RIPK4: variants seen among roughly 807,000 people sequenced by gnomAD.
RIPK4 encodes receptor interacting serine/threonine kinase 4.
In RIPK4, 17 loss-of-function variants were observed where a neutral mutation model predicts 42.9. The observed-to-expected ratio is 0.40, with a 90% CI of 0.27 to 0.59. The LOEUF is 0.59. RIPK4 is among the 20% of genes least tolerant of loss of function. The pLI is 0.47. For missense variants in RIPK4, 897 were observed against 1,104.4 expected (o/e 0.81, Z 2.66); for synonymous variants, 498 against 499.1 (o/e 1.00, Z 0.03).
Position 41,746,645 on chromosome 21 carries a change from T to C in RIPK4, c.800A>G (p.Gln267Arg). The change falls in exon 5 of 8, where the codon CAG becomes CGG. Residue 267 changes from glutamine to arginine, a missense_variant. Physicochemically the swap from Gln to Arg is conservative, Grantham distance 43. Coordinates refer to ENST00000332512, the MANE Select transcript of RIPK4 (RefSeq NM_020639.3). ...HLIRLMQRCW[Q>R]GDPRVRPTFQ... ...GGTGGGCCTAACTCGCGGATCCCCC[T>C]GCCAGCACCGCTGCATGAGGCGTAT... 1.2e-6 allele frequency: 2 copies of C among 1,610,752 alleles called. No individual in the cohort carries two copies. The highest frequency in any genetic ancestry group is 1.7e-6 in the Non-Finnish European group (2 of 1,179,796).
chr21:41,760,760 G>A (rs916206911), intron 1 of RIPK4, among the ~76,000 whole-genome samples: 1 of 152,162 alleles, frequency 6.6e-6, no homozygotes, highest in African/African-American at 2.4e-5. Flanking sequence ...GCAGCTGGGG[G>A]GTGTGGGGGG....
chr21:41,748,223 A>T (rs896877628), intron 4 of RIPK4, among the ~76,000 whole-genome samples: 1 of 152,216 alleles, frequency 6.6e-6, no homozygotes, highest in Non-Finnish European at 1.5e-5. Flanking sequence ...TGATCTTGCG[A>T]TGCTGGAAGA....
At chr21:41,746,890 G>A (rs751198551) in intron 4 of RIPK4, 119 bp from the exon 5 acceptor site, 2 of 1,144,602 alleles carry the variant, frequency 1.7e-6, no homozygotes, top group Admixed American at 2.4e-5. Flanking sequence ...CACCACCCCA[G>A]GGAGACGGCT....
chr21:41,755,070 A>G lies in RIPK4; in HGVS notation c.474+1455T>C, dbSNP rs2061199272. ...AGCTTACTAGTCATTAGGGCCCCAG[A>G]GCCTGTGCTACCTAGAAACAAGCCC... On this transcript the variant is annotated intron_variant, in intron 2 of 7. Coordinates refer to ENST00000332512, the MANE Select transcript of RIPK4 (RefSeq NM_020639.3). The surrounding 1 kb of genome is among the most constrained non-coding windows in gnomAD (Gnocchi z 4.2). Among the ~76,000 whole-genome samples, 1 of 151,984 alleles carries G rather than the reference A, an allele frequency of 6.6e-6. No homozygotes were observed. Among genetic ancestry groups the G allele is most frequent in the Non-Finnish European group, 1.5e-5 (1 of 67,988 alleles).
chr21:41,740,978 G>C lies in RIPK4; in HGVS notation c.2215C>G (p.Leu739Val), dbSNP rs766718804. The C allele has an allele frequency of 1.5e-5, 24 of 1,611,206 alleles. No individual in the cohort carries two copies. The highest frequency in any genetic ancestry group is 1.9e-5 in the Non-Finnish European group (22 of 1,179,702). The change falls in exon 8 of 8, where the codon CTG (leucine) becomes GTG (valine). Residue 739 changes from leucine to valine, a missense_variant. Coordinates refer to ENST00000332512, the MANE Select transcript of RIPK4 (RefSeq NM_020639.3). Reference sequence around the variant, plus strand: ...TGCCGGCCCTGGGCGGCCAGGTGCAGCGCGCTGAGCCCCTGCTCGTCGAAC... The same window carrying C: ...TGCCGGCCCTGGGCGGCCAGGTGCACCGCGCTGAGCCCCTGCTCGTCGAAC... ...DLFDEQGLSA[L>V]HLAAQGRHAQ...
At chr21:41,757,258 T>C (rs2061206432) in intron 1 of RIPK4, among the ~76,000 whole-genome samples, 1 of 152,058 alleles carries the variant, frequency 6.6e-6, no homozygotes, top group African/African-American at 2.4e-5. Context: ...CGGTGGCTCA[T>C]GCCTGTAATC....
rs1024108640 is a variant in RIPK4 at position 41,755,740 on chromosome 21, C to T, written c.474+785G>A. The stretch of plus-strand genomic sequence containing the variant: ...TCCCAAGAGCATGTGAACATCACCA[C>T]GTGGGGAAAAACTACAACGCGCCAG... On this transcript the variant is annotated intron_variant, in intron 2 of 7. Coordinates refer to ENST00000332512, the MANE Select transcript of RIPK4 (RefSeq NM_020639.3). This position sits in a 1 kb window ranked among gnomAD's most constrained non-coding sequence, Gnocchi z 4.2. Among the ~76,000 whole-genome samples, 1 of 152,172 alleles carries T rather than the reference C, an allele frequency of 6.6e-6. No individual in the cohort carries two copies. Among genetic ancestry groups the T allele is most frequent in the South Asian group, 2.1e-4 (1 of 4,826 alleles).
chr21:41,763,831 C>T (rs974619625), intron 1 of RIPK4, among the ~76,000 whole-genome samples: 2 of 152,218 alleles, frequency 1.3e-5, no homozygotes, highest in African/African-American at 4.8e-5. Context: ...TCCCAGCCGG[C>T]GCCCCGCAGG....
chr21:41,766,810 G>A (rs2061238619), intron 1 of RIPK4, 50 bp downstream of exon 1: 3 of 1,560,772 alleles, frequency 1.9e-6, no homozygotes, highest in Non-Finnish European at 8.7e-7. Flanking sequence ...CCCCGACCCC[G>A]ACCCCAGCCC....
chr21:41,761,278 C>A (rs919592291), intron 1 of RIPK4, among the ~76,000 whole-genome samples: 1 of 152,262 alleles, frequency 6.6e-6, no homozygotes, highest in East Asian at 1.9e-4. Flanking sequence ...CCTCTGGGAA[C>A]ACCGGTTGGC....
intron 6 of RIPK4, among the ~76,000 whole-genome samples, chr21:41,745,502 A>G (rs1024254278): frequency 2.6e-5 from 4 of 152,116 alleles, no homozygotes; most frequent in Non-Finnish European, 4.4e-5. Flanking sequence ...CACACATCCA[A>G]TGAGTGGCTA....
rs2061189944 is a variant in RIPK4 at position 41,751,972 on chromosome 21, G to A, written c.475-727C>T. Among the ~76,000 whole-genome samples the A allele has an allele frequency of 6.6e-6, 1 of 152,088 alleles. No individual in the cohort carries two copies. Among genetic ancestry groups the A allele is most frequent in the Non-Finnish European group, 1.5e-5 (1 of 68,010 alleles). ...AATGCCCTCAACGTCCGCATTCAGG[G>A]GAGGCAGGTCTCAGGTCTCCTTCGG... On this transcript the variant is annotated intron_variant, in intron 2 of 7. Coordinates refer to ENST00000332512, the MANE Select transcript of RIPK4 (RefSeq NM_020639.3). This position sits in a 1 kb window ranked among gnomAD's most constrained non-coding sequence, Gnocchi z 4.5.
chr21:41,746,277 C>T, intron 5 of RIPK4: 1 of 579,562 alleles, frequency 1.7e-6, no homozygotes, highest in South Asian at 1.9e-5. Context: ...AAGGGCGACG[C>T]CGCCGGCCAC....
Position 41,741,029 on chromosome 21 carries a change from ACTC to A in RIPK4, c.2161_2163del (p.Glu721del). On this transcript the variant is annotated inframe_deletion, in exon 8 of 8. Coordinates refer to ENST00000332512, the MANE Select transcript of RIPK4 (RefSeq NM_020639.3). ...AGGTCAATGACATCGGCGCTGACCAACTCCTCCACCACCTCCGAGTGCCCGTGG... is the reference window on the plus strand; with the variant it reads ...AGGTCAATGACATCGGCGCTGACCAACTCCACCACCTCCGAGTGCCCGTGG... The A allele has an allele frequency of 6.2e-7, 1 of 1,608,728 alleles. No homozygotes were observed. Among genetic ancestry groups the A allele is most frequent in the Non-Finnish European group, 8.5e-7 (1 of 1,179,070 alleles).
At chr21:41,748,346 CA>C (rs1424173801) in intron 4 of RIPK4, among the ~76,000 whole-genome samples, 1 of 152,200 alleles carries the variant, frequency 6.6e-6, no homozygotes, top group African/African-American at 2.4e-5. Context: ...GGTCACACCA[CA>C]AAATATCATG....
rs1435855906 is a variant in RIPK4 at position 41,740,196 on chromosome 21, A to G, written c.*642T>C. The stretch of plus-strand genomic sequence containing the variant: ...ACTGGAATGGTTAAGAGCTGGCCAC[A>G]CATACGCCCCGCAAAGCTGGCTGCT... On this transcript the variant is annotated 3_prime_UTR_variant, in exon 8 of 8. Transcript: ENST00000332512. The G allele has an allele frequency of 6.6e-6, 1 of 152,264 alleles. No homozygotes were observed. The highest frequency in any genetic ancestry group is 1.5e-5 in the Non-Finnish European group (1 of 68,072). The allele number at this position is 152,264 out of a possible 1,614,324, so 9.4% of individuals were successfully genotyped here. A position where few individuals can be genotyped will look rare whatever the true frequency, so the allele number is the denominator to read the frequency against.
intron 6 of RIPK4, among the ~76,000 whole-genome samples, chr21:41,744,759 C>A (rs540391342): frequency 6.6e-6 from 1 of 152,136 alleles, no homozygotes; most frequent in Non-Finnish European, 1.5e-5. Flanking sequence ...GACCTCCCCG[C>A]GGAGCCACGT....
At chr21:41,763,933 A>G (rs3787958) in intron 1 of RIPK4, among the ~76,000 whole-genome samples, 37,071 of 152,002 alleles carry the variant, frequency 0.24, 4,874 homozygotes, top group African/African-American at 0.3. Context: ...AACTGGTCAC[A>G]GCACCCATCC....
At position 41,745,881 on chromosome 21, in the gene RIPK4, GA is replaced by G. The variant is rs762794283; in HGVS notation, c.833-20del. 14 of 1,573,154 alleles carry G rather than the reference GA, an allele frequency of 8.9e-6. No homozygotes were observed. Among genetic ancestry groups the G allele is most frequent in the Non-Finnish European group, 1.1e-5 (12 of 1,142,614 alleles). ...GTAATTTCTTGTGGGGAAGAAAGGG[GA>G]CATGTCACTCGGATGATGACTTCTG... On this transcript the variant is annotated intron_variant, in intron 5 of 7. Coordinates refer to ENST00000332512, the MANE Select transcript of RIPK4 (RefSeq NM_020639.3).
Sources: gnomAD v4.1 joint callset for allele counts (sites outside exome capture counted in the v4.1 genomes callset) on GRCh38, gnomAD v4.1.1 for gene constraint, Gnocchi (gnomAD v3.1) non-coding constraint, MANE v1.5 for transcripts, NCBI Gene and HGNC (gene_info 2026-07-23, HGNC 2026-07-21) for gene names.